The following OLFM2 variants were observed in gnomAD, a reference collection of about 807,000 sequenced individuals.
OLFM2 encodes olfactomedin 2.
A neutral mutation model predicts 43.9 loss-of-function variants in OLFM2; 20 were observed. The observed-to-expected ratio is 0.46, with a 90% CI of 0.32 to 0.66. The LOEUF (loss-of-function observed/expected upper bound fraction) is 0.66, where lower values mean the gene tolerates loss of function less well. Ranked by LOEUF, OLFM2 falls within the 30% of genes least tolerant of loss-of-function variation. OLFM2 has a pLI of 0.04. For synonymous variants in OLFM2, 268 were observed against 278.6 expected, an observed-to-expected ratio of 0.96 and a Z score of 0.38; for missense variants, 416 against 643.6, an observed-to-expected ratio of 0.65 and a Z score of 3.83.
intron 1 of OLFM2, among the ~76,000 whole-genome samples, chr19:9,909,571 G>A (rs542636214): frequency 2.5e-3 from 228 of 89,822 alleles, no homozygotes; most frequent in African/African-American, 9.4e-3. Context: ...AAGGCTCTAC[G>A]CTCACCGCCC....
In OLFM2 at chr19:9,928,225, A is replaced by AT. The variant is rs571202488; in HGVS notation, c.63+8078_63+8079insA. On this transcript the variant is annotated intron_variant, in intron 1 of 5. Coordinates refer to ENST00000264833, the MANE Select transcript of OLFM2 (RefSeq NM_058164.4). ...GACCCTGCGTCTTAAAAAAAAAAAA[A>AT]CAAAATAAAATTTAAAAAGAACCCG... 5.0e-3 allele frequency among the ~76,000 whole-genome samples: 760 copies of AT among 150,570 alleles called. 12 individuals are homozygous for AT. Among genetic ancestry groups the AT allele is most frequent in the African/African-American group, 0.018 (735 of 40,900 alleles).
At chr19:9,908,123 C>T (rs913124526) in intron 1 of OLFM2, among the ~76,000 whole-genome samples, 23 of 152,138 alleles carry the variant, frequency 1.5e-4, no homozygotes, top group Admixed American at 5.3e-4. Flanking sequence ...CTCCCTCTTC[C>T]GCTCGCTCAC....
At chr19:9,927,392 A>G (rs1303004150) in intron 1 of OLFM2, among the ~76,000 whole-genome samples, 2 of 152,188 alleles carry the variant, frequency 1.3e-5, no homozygotes, top group Non-Finnish European at 2.9e-5. Flanking sequence ...CCCTTCTCCT[A>G]TCTGCACCCA....
At chr19:9,877,393 C>T (rs1046080435) in intron 1 of OLFM2, among the ~76,000 whole-genome samples, 1 of 151,854 alleles carries the variant, frequency 6.6e-6, no homozygotes, top group East Asian at 1.9e-4. Context: ...ATTAGCCAGG[C>T]GTGGTGGCAC....
intron 1 of OLFM2, among the ~76,000 whole-genome samples, chr19:9,896,003 C>T (rs576696999): frequency 4.6e-5 from 7 of 152,146 alleles, no homozygotes; most frequent in Middle Eastern, 6.8e-3. Flanking sequence ...TCCTTAATGT[C>T]GCCACAAGAG....
intron 1 of OLFM2, among the ~76,000 whole-genome samples, chr19:9,925,124 G>A (rs768374691): frequency 1.3e-5 from 2 of 152,008 alleles, no homozygotes; most frequent in Non-Finnish European, 2.9e-5. Flanking sequence ...GCCTGGCGGT[G>A]CATAGTCCCA....
intron 2 of OLFM2, among the ~76,000 whole-genome samples, chr19:9,859,210 C>T (rs182003973): frequency 2.0e-5 from 3 of 152,396 alleles, no homozygotes; most frequent in Admixed American, 2.0e-4. Flanking sequence ...TTTACATACT[C>T]TTCCCTTCTC....
Position 9,853,889 on chromosome 19 carries a change from CAGAG to C in OLFM2, c.*293_*296del. 3.6e-6 allele frequency: 2 copies of C among 554,634 alleles called. No homozygotes were observed. The highest frequency in any genetic ancestry group is 2.9e-5 in the East Asian group (1 of 34,110). 34.4% of individuals were successfully genotyped at this position (554,634 alleles called of 1,614,324 possible). ...GGGTGGAAGGACAGAGAGAGAGAGA[CAGAG>C]AGAGGCAGAGACGGAAAGAACTGGA... On this transcript the variant is annotated 3_prime_UTR_variant, in exon 6 of 6. Coordinates refer to ENST00000264833, the MANE Select transcript of OLFM2 (RefSeq NM_058164.4).
At chr19:9,904,152 TTG>T (rs56281493) in intron 1 of OLFM2, among the ~76,000 whole-genome samples, 12,252 of 126,918 alleles carry the variant, frequency 0.097, 554 homozygotes, top group South Asian at 0.17. Flanking sequence ...TGAGTATTGT[TTG>T]TGTGTGTGTG....
At chr19:9,920,923 T>C in intron 1 of OLFM2, among the ~76,000 whole-genome samples, 1 of 151,982 alleles carries the variant, frequency 6.6e-6, no homozygotes, top group South Asian at 2.1e-4. Context: ...AAAAAAAGTT[T>C]ATTTCCCTTG....
At chr19:9,871,971 G>A (rs540870877) in intron 1 of OLFM2, among the ~76,000 whole-genome samples, 1 of 152,308 alleles carries the variant, frequency 6.6e-6, no homozygotes, top group South Asian at 2.1e-4. Flanking sequence ...TTCGTCCTAG[G>A]GAAGGATCAC....
chr19:9,871,343 C>T (rs1469757980), intron 1 of OLFM2, among the ~76,000 whole-genome samples: 1 of 151,588 alleles, frequency 6.6e-6, no homozygotes, highest in Non-Finnish European at 1.5e-5. Context: ...GAGGCCAAGG[C>T]AGGCGGATCA....
Position 9,854,156 on chromosome 19 carries a change from C to T in OLFM2, c.*30G>A. 1.2e-6 allele frequency: 2 copies of T among 1,611,310 alleles called. No individual in the cohort carries two copies. The highest frequency in any genetic ancestry group is 1.7e-6 in the Non-Finnish European group (2 of 1,177,818). On this transcript the variant is annotated 3_prime_UTR_variant, in exon 6 of 6. Transcript: ENST00000264833. The surrounding 1 kb of genome is among the most constrained non-coding windows in gnomAD (Gnocchi z 9.5). ...AGGGCCCCCAGCCCCCAGAGGCCCC[C>T]CAGGCAGCAGCCCGAGCCACAGCAT...
intron 1 of OLFM2, among the ~76,000 whole-genome samples, chr19:9,915,152 T>G (rs1044692780): frequency 6.6e-6 from 1 of 152,084 alleles, no homozygotes; most frequent in Non-Finnish European, 1.5e-5. Flanking sequence ...GGTAATTTAC[T>G]GAGCATCTAC....
chr19:9,918,806 C>T (rs969385777), intron 1 of OLFM2, among the ~76,000 whole-genome samples: 1 of 152,074 alleles, frequency 6.6e-6, no homozygotes, highest in Non-Finnish European at 1.5e-5. Context: ...ACATAATGTC[C>T]AGGGACAGCA....
chr19:9,870,428 A>C (rs1283786382), intron 1 of OLFM2, among the ~76,000 whole-genome samples: 1 of 152,136 alleles, frequency 6.6e-6, no homozygotes, highest in Non-Finnish European at 1.5e-5. Context: ...GCTCCATCCT[A>C]GTCCCCACGC....
At chr19:9,903,945 G>A (rs1461929663) in intron 1 of OLFM2, among the ~76,000 whole-genome samples, 2 of 152,022 alleles carry the variant, frequency 1.3e-5, no homozygotes. Flanking sequence ...GCACTACACT[G>A]GGAGCTGCAT....
chr19:9,908,623 C>T (rs1375229881), intron 1 of OLFM2, among the ~76,000 whole-genome samples: 1 of 151,826 alleles, frequency 6.6e-6, no homozygotes, highest in Non-Finnish European at 1.5e-5. Context: ...GGACTGCAGG[C>T]ACCCGCCACC....
intron 1 of OLFM2, among the ~76,000 whole-genome samples, chr19:9,920,098 C>T (rs1249788974): frequency 6.6e-6 from 1 of 151,968 alleles, no homozygotes; most frequent in Non-Finnish European, 1.5e-5. Context: ...GCCACCACAC[C>T]TGGCCCCTCC....
Sources: gnomAD v4.1 joint callset for allele counts (sites outside exome capture counted in the v4.1 genomes callset) on GRCh38, gnomAD v4.1.1 for gene constraint, Gnocchi (gnomAD v3.1) non-coding constraint, MANE v1.5 for transcripts, NCBI Gene and HGNC (gene_info 2026-07-23, HGNC 2026-07-21) for gene names.